The following MYT1 variants were observed in gnomAD, a reference collection of about 807,000 sequenced individuals.
MYT1 encodes myelin transcription factor 1, also known as myelin transcription factor I.
A neutral mutation model predicts 123.0 loss-of-function variants in MYT1; 23 were observed. The ratio of observed to expected loss-of-function variants is 0.19; its 90% CI spans 0.13 to 0.26. The LOEUF is 0.26. Ranked by LOEUF, MYT1 falls within the 10% of genes least tolerant of loss-of-function variation. MYT1 has a pLI of 1.00. For synonymous variants in MYT1, 518 were observed against 575.3 expected, an observed-to-expected ratio of 0.90 and a Z score of 1.43; for missense variants, 1,125 against 1,472.5, an observed-to-expected ratio of 0.76 and a Z score of 3.86.
intron 11 of MYT1, among the ~76,000 whole-genome samples, chr20:64,217,624 A>G (rs1983879140): frequency 1.3e-5 from 2 of 151,806 alleles, no homozygotes; most frequent in South Asian, 4.2e-4. Flanking sequence ...GGGAGACGCC[A>G]CTCTCCCCAC....
chr20:64,232,217 C>T lies in MYT1; in HGVS notation c.2729C>T (p.Ser910Phe). The T allele has an allele frequency of 6.2e-7, 1 of 1,613,186 alleles. No individual in the cohort carries two copies. ...GGTCACATCAGCGGGAAATACGCCT[C>T]TCACAGGAGCGCATCCGGCTGCCCA... ...GLGHISGKYASHRSASGCPLA... is the reference protein window; with the variant it reads ...GLGHISGKYAFHRSASGCPLA... Residue 910 changes from serine to phenylalanine, a missense_variant, in exon 19 of 23, where the codon TCT (serine) becomes TTT (phenylalanine). Physicochemically the swap from Ser to Phe is radical, Grantham distance 155. Coordinates refer to ENST00000328439, the MANE Select transcript of MYT1 (RefSeq NM_004535.3). This position sits in a 1 kb window ranked among gnomAD's most constrained non-coding sequence, Gnocchi z 6.9.
At position 64,202,138 on chromosome 20, in the gene MYT1, C is replaced by T. The variant is rs1344389581; in HGVS notation, c.86+2216C>T. 1.3e-5 allele frequency among the ~76,000 whole-genome samples: 2 copies of T among 152,204 alleles called. No individual in the cohort carries two copies. Among genetic ancestry groups the T allele is most frequent in the Non-Finnish European group, 2.9e-5 (2 of 68,044 alleles). ...TCAGAACTTCACAGCCTGCAGTGCC[C>T]CTAACCCCAGCTCGCCTCCCCACCA... is the stretch of plus-strand genomic sequence containing the variant. On this transcript the variant is annotated intron_variant, in intron 4 of 22. Coordinates refer to ENST00000328439, the MANE Select transcript of MYT1 (RefSeq NM_004535.3). This position sits in a 1 kb window ranked among gnomAD's most constrained non-coding sequence, Gnocchi z 5.0.
chr20:64,224,522 T>C (rs2145727201), intron 16 of MYT1, among the ~76,000 whole-genome samples: 1 of 152,138 alleles, frequency 6.6e-6, no homozygotes, highest in South Asian at 2.1e-4. Flanking sequence ...CAGAGTGGGG[T>C]GCAGCATCTA....
Position 64,208,099 on chromosome 20 carries a change from AGAGGAG to A in MYT1, c.914_919del (p.Glu305_Glu306del), listed in dbSNP as rs147483668. 6.2e-7 allele frequency: 1 copy of A among 1,604,278 alleles called. No individual in the cohort carries two copies. Among genetic ancestry groups the A allele is most frequent in the African/African-American group, 1.3e-5 (1 of 74,144 alleles). ...AAGAGGAGGAGGAAGAGGAAGAGGA[AGAGGAG>A]GAGGAGGAGGCAGCTCCTGATGTGA... On this transcript the variant is annotated inframe_deletion, in exon 7 of 23. Transcript: ENST00000328439. The surrounding 1 kb of genome is among the most constrained non-coding windows in gnomAD (Gnocchi z 5.4).
In MYT1 at chr20:64,192,288, G is replaced by A. The variant is rs943383945; in HGVS notation, c.-1+2128G>A. On this transcript the variant is annotated intron_variant, in intron 2 of 22. Transcript: ENST00000328439. The surrounding 1 kb of genome is among the most constrained non-coding windows in gnomAD (Gnocchi z 5.3). Reference sequence around the variant, plus strand: ...CTGAATAGAGAAGCTAAGATGAAAAGTGTGCCAGAGAAGGCGAGAGGATGA... The same window carrying A: ...CTGAATAGAGAAGCTAAGATGAAAAATGTGCCAGAGAAGGCGAGAGGATGA... 2.0e-5 allele frequency among the ~76,000 whole-genome samples: 3 copies of A among 152,250 alleles called. No homozygotes were observed. The highest frequency in any genetic ancestry group is 7.2e-5 in the African/African-American group (3 of 41,472).
intron 19 of MYT1, among the ~76,000 whole-genome samples, chr20:64,234,974 A>ATGGCTGTGGTGGGTGACACTGGGC (rs1984463396): frequency 4.2e-5 from 3 of 71,756 alleles, no homozygotes; most frequent in African/African-American, 1.7e-4. Context: ...TGACCCTGGG[A>ATGGCTGTGGTGGGTGACACTGGGC]TGGCTGTGGT....
At chr20:64,178,260 C>T (rs1982526856) in intron 1 of MYT1, among the ~76,000 whole-genome samples, 1 of 152,246 alleles carries the variant, frequency 6.6e-6, no homozygotes, top group Non-Finnish European at 1.5e-5. Flanking sequence ...GTTGCTGATG[C>T]GATGCCATCA....
At position 64,167,500 on chromosome 20, in the gene MYT1, G is replaced by A. The variant is rs1162791799; in HGVS notation, c.-99+2761G>A. 1.3e-5 allele frequency among the ~76,000 whole-genome samples: 2 copies of A among 152,184 alleles called. No homozygotes were observed. Among genetic ancestry groups the A allele is most frequent in the Non-Finnish European group, 2.9e-5 (2 of 68,046 alleles). On this transcript the variant is annotated intron_variant, in intron 1 of 22. Coordinates refer to ENST00000328439, the MANE Select transcript of MYT1 (RefSeq NM_004535.3). The surrounding 1 kb of genome is among the most constrained non-coding windows in gnomAD (Gnocchi z 6.3). ...GAACAGGGGTCAGGAGGTTAGCTGTGGGGTGGGTGGGGGCTGCTGGCGGTC... is the reference window on the plus strand; with the variant it reads ...GAACAGGGGTCAGGAGGTTAGCTGTAGGGTGGGTGGGGGCTGCTGGCGGTC...
At chr20:64,178,765 G>A (rs1344035875) in intron 1 of MYT1, among the ~76,000 whole-genome samples, 3 of 138,302 alleles carry the variant, frequency 2.2e-5, no homozygotes, top group African/African-American at 8.3e-5. Flanking sequence ...GCACTGAGCC[G>A]TTATTCGGTG....
chr20:64,230,242 G>A (rs1276808405), intron 18 of MYT1, among the ~76,000 whole-genome samples: 1 of 152,264 alleles, frequency 6.6e-6, no homozygotes, highest in Non-Finnish European at 1.5e-5. Context: ...GCCGGGCACT[G>A]TGGCTCATGC....
intron 4 of MYT1, among the ~76,000 whole-genome samples, chr20:64,201,817 T>C (rs945691005): frequency 5.3e-5 from 8 of 152,230 alleles, no homozygotes; most frequent in Admixed American, 2.6e-4. Context: ...CGTTGTGGTC[T>C]GTGAGAGGAG....
rs150519755 is a variant in MYT1 at position 64,168,808 on chromosome 20, C to T, written c.-99+4069C>T. Among the ~76,000 whole-genome samples, 520 of 152,286 alleles carry T rather than the reference C, an allele frequency of 3.4e-3. 2 individuals are homozygous for T. Among genetic ancestry groups the T allele is most frequent in the African/African-American group, 0.012 (500 of 41,554 alleles). On this transcript the variant is annotated intron_variant, in intron 1 of 22. Coordinates refer to ENST00000328439, the MANE Select transcript of MYT1 (RefSeq NM_004535.3). The surrounding 1 kb of genome is among the most constrained non-coding windows in gnomAD (Gnocchi z 6.1). Reference sequence around the variant, plus strand: ...ATGGTCCTCAGGAAGTAGGCTGCAGCGCTCTGCAGGAGTCAGGGTGGCCAG... The same window carrying T: ...ATGGTCCTCAGGAAGTAGGCTGCAGTGCTCTGCAGGAGTCAGGGTGGCCAG...
chr20:64,237,083 C>T (rs1984574546), intron 20 of MYT1, among the ~76,000 whole-genome samples: 1 of 152,190 alleles, frequency 6.6e-6, no homozygotes, highest in African/African-American at 2.4e-5. Context: ...AAACTATAAA[C>T]ACTCATCTCA....
chr20:64,234,126 C>A (rs1178247444), intron 19 of MYT1, among the ~76,000 whole-genome samples: 1 of 152,224 alleles, frequency 6.6e-6, no homozygotes, highest in Non-Finnish European at 1.5e-5. Flanking sequence ...TACCTTGCCT[C>A]AATCAACCTT....
intron 1 of MYT1, among the ~76,000 whole-genome samples, chr20:64,179,239 A>G (rs952649727): frequency 5.9e-5 from 9 of 152,112 alleles, no homozygotes; most frequent in South Asian, 2.1e-4. Flanking sequence ...ATGCCCTTCA[A>G]CGTGGGAGCA....
chr20:64,188,089 C>T (rs200278664), intron 1 of MYT1, among the ~76,000 whole-genome samples: 12 of 152,304 alleles, frequency 7.9e-5, no homozygotes, highest in East Asian at 7.7e-4. Flanking sequence ...ATGTGGGCAA[C>T]GAAGAATTCC....
rs1299643419 is a variant in MYT1 at position 64,166,347 on chromosome 20, G to A, written c.-99+1608G>A. Reference sequence around the variant, plus strand: ...GTCTTATGGATTCTTCTGTCCCGTAGAGACTGAGACTCCTACAGGGTCCCC... The same window carrying A: ...GTCTTATGGATTCTTCTGTCCCGTAAAGACTGAGACTCCTACAGGGTCCCC... On this transcript the variant is annotated intron_variant, in intron 1 of 22. Transcript: ENST00000328439. The surrounding 1 kb of genome is among the most constrained non-coding windows in gnomAD (Gnocchi z 4.9). Among the ~76,000 whole-genome samples, 1 of 152,146 alleles carries A rather than the reference G, an allele frequency of 6.6e-6. No individual in the cohort carries two copies. Among genetic ancestry groups the A allele is most frequent in the East Asian group, 1.9e-4 (1 of 5,174 alleles).
chr20:64,178,522 A>G (rs981985091), intron 1 of MYT1, among the ~76,000 whole-genome samples: 1 of 152,066 alleles, frequency 6.6e-6, no homozygotes, highest in African/African-American at 2.4e-5. Flanking sequence ...CTGAGCCGTT[A>G]TTCGGTGGGA....
At chr20:64,179,281 C>T (rs1308191835) in intron 1 of MYT1, among the ~76,000 whole-genome samples, 2 of 152,210 alleles carry the variant, frequency 1.3e-5, no homozygotes, top group Non-Finnish European at 2.9e-5. Flanking sequence ...TGCCCTTCAA[C>T]GTGGGTTTGT....
Sources: gnomAD v4.1 joint callset for allele counts (sites outside exome capture counted in the v4.1 genomes callset) on GRCh38, gnomAD v4.1.1 for gene constraint, Gnocchi (gnomAD v3.1) non-coding constraint, MANE v1.5 for transcripts, NCBI Gene and HGNC (gene_info 2026-07-23, HGNC 2026-07-21) for gene names.